The following ST8SIA6 variants were observed in gnomAD, a reference collection of about 807,000 sequenced individuals.
ST8SIA6 encodes the protein ST8 alpha-N-acetyl-neuraminide alpha-2,8-sialyltransferase 6.
Under a neutral mutation model 33.6 loss-of-function variants are expected in ST8SIA6, and 39 were observed. The observed-to-expected ratio is 1.16, with a 90% CI of 0.90 to 1.52. The LOEUF is 1.52. Among genes scored for constraint, ST8SIA6 ranks in the 40% most tolerant of loss-of-function variants. The probability of loss-of-function intolerance (pLI) is 0.00; values close to 1 mark genes in which losing one functional copy is unlikely to be tolerated. For missense variants in ST8SIA6, 441 were observed against 443.8 expected (o/e 0.99, Z 0.06); for synonymous variants, 172 against 167.2 (o/e 1.03, Z -0.22).
intron 2 of ST8SIA6, among the ~76,000 whole-genome samples, chr10:17,451,768 G>C (rs1208016049): frequency 1.3e-5 from 2 of 152,042 alleles, no homozygotes; most frequent in Non-Finnish European, 2.9e-5. Context: ...ATTAAAACTT[G>C]CACCCCTGCT....
At chr10:17,447,895 G>C (rs1852777902) in intron 2 of ST8SIA6, among the ~76,000 whole-genome samples, 1 of 152,064 alleles carries the variant, frequency 6.6e-6, no homozygotes, top group Admixed American at 6.6e-5. Flanking sequence ...GTGAGATCAT[G>C]TTCAAGTGAT....
chr10:17,412,314 C>T (rs145386556), intron 2 of ST8SIA6, among the ~76,000 whole-genome samples: 1 of 152,300 alleles, frequency 6.6e-6, no homozygotes, highest in East Asian at 1.9e-4. Flanking sequence ...ACTAACCCAA[C>T]TGCCAAGCCA....
At chr10:17,386,411 C>T (rs777241146) in intron 3 of ST8SIA6, among the ~76,000 whole-genome samples, 1 of 152,082 alleles carries the variant, frequency 6.6e-6, no homozygotes, top group Non-Finnish European at 1.5e-5. Flanking sequence ...TGGTGGCACG[C>T]GCCTGTAGTC....
intron 2 of ST8SIA6, among the ~76,000 whole-genome samples, chr10:17,420,399 G>A (rs962338724): frequency 3.3e-5 from 5 of 152,104 alleles, no homozygotes; most frequent in Non-Finnish European, 7.3e-5. Context: ...GCGACAGAGC[G>A]AGACTCCGTC....
chr10:17,446,817 C>T (rs1306289640), intron 2 of ST8SIA6, among the ~76,000 whole-genome samples: 1 of 151,648 alleles, frequency 6.6e-6, no homozygotes, highest in Non-Finnish European at 1.5e-5. Context: ...AATCCTAACA[C>T]TTTGGGAGGC....
At chr10:17,384,935 T>C (rs887501916) in intron 3 of ST8SIA6, among the ~76,000 whole-genome samples, 1 of 152,320 alleles carries the variant, frequency 6.6e-6, no homozygotes, top group Admixed American at 6.5e-5. Context: ...TTTCGGGACC[T>C]ACCCATCTAG....
chr10:17,416,385 A>G (rs1014605390), intron 2 of ST8SIA6, among the ~76,000 whole-genome samples: 1 of 152,158 alleles, frequency 6.6e-6, no homozygotes, highest in African/African-American at 2.4e-5. Flanking sequence ...TGACACCCAG[A>G]TTGATATGTG....
chr10:17,393,990 T>C (rs1850714314), intron 2 of ST8SIA6, among the ~76,000 whole-genome samples: 2 of 152,194 alleles, frequency 1.3e-5, no homozygotes. Context: ...CCATTTGCCT[T>C]GTATTTTATG....
chr10:17,431,197 C>T (rs966920356), intron 2 of ST8SIA6, among the ~76,000 whole-genome samples: 7 of 151,974 alleles, frequency 4.6e-5, no homozygotes, highest in African/African-American at 1.5e-4. Context: ...CACCTTTGGC[C>T]GACATGAGGA....
chr10:17,363,403 G>T (rs1358132352), intron 3 of ST8SIA6, among the ~76,000 whole-genome samples: 1 of 152,074 alleles, frequency 6.6e-6, no homozygotes, highest in Non-Finnish European at 1.5e-5. Context: ...GATCAATGTA[G>T]AACTTGCCAA....
intron 2 of ST8SIA6, among the ~76,000 whole-genome samples, chr10:17,425,600 G>C (rs1391171713): frequency 6.9e-6 from 1 of 145,658 alleles, no homozygotes; most frequent in Non-Finnish European, 1.5e-5. Flanking sequence ...AAGGAAGGAA[G>C]GAGAAAGAAA....
chr10:17,453,744 A>G (rs1853009589), intron 1 of ST8SIA6, 87 bp from the exon 2 acceptor site: 4 of 1,080,856 alleles, frequency 3.7e-6, no homozygotes, highest in Non-Finnish European at 4.8e-6. Flanking sequence ...CTTGCCTGGC[A>G]GGGAGATCTC....
In ST8SIA6 at chr10:17,331,405, C is replaced by A; in HGVS notation, c.522+3G>T. The A allele has an allele frequency of 1.2e-6, 2 of 1,607,610 alleles. No homozygotes were observed. The highest frequency in any genetic ancestry group is 2.2e-5 in the South Asian group (2 of 89,586). ...AAATAACCCACCAGAAACCTTTACT[C>A]ACCACTGGAAACATATGAAAAATGT... On this transcript the variant is annotated splice_donor_region_variant and intron_variant, in intron 5 of 7. Transcript: ENST00000377602.
chr10:17,366,446 T>G (rs376048151), intron 3 of ST8SIA6, among the ~76,000 whole-genome samples: 1 of 150,084 alleles, frequency 6.7e-6, no homozygotes. Flanking sequence ...ATCCTTTTCT[T>G]TTTTTTTTTC....
chr10:17,426,529 T>C (rs1371029088), intron 2 of ST8SIA6, among the ~76,000 whole-genome samples: 1 of 152,178 alleles, frequency 6.6e-6, no homozygotes, highest in Non-Finnish European at 1.5e-5. Context: ...AGTCATTAAT[T>C]GAAGGCTGCT....
At chr10:17,325,863 G>T (rs1564400368) in intron 6 of ST8SIA6, among the ~76,000 whole-genome samples, 2 of 151,836 alleles carry the variant, frequency 1.3e-5, no homozygotes, top group Admixed American at 6.6e-5. Flanking sequence ...TTTTCTTCTG[G>T]GTTTTAAATC....
intron 4 of ST8SIA6, among the ~76,000 whole-genome samples, chr10:17,348,099 G>T (rs915770215): frequency 6.6e-6 from 1 of 151,436 alleles, no homozygotes; most frequent in African/African-American, 2.4e-5. Flanking sequence ...AAAAATCTAG[G>T]TCACTGCTAT....
At chr10:17,446,302 A>G (rs1405135116) in intron 2 of ST8SIA6, among the ~76,000 whole-genome samples, 1 of 152,204 alleles carries the variant, frequency 6.6e-6, no homozygotes, top group Non-Finnish European at 1.5e-5. Flanking sequence ...AAATGCAGAG[A>G]AAAATCATAC....
intron 6 of ST8SIA6, among the ~76,000 whole-genome samples, chr10:17,326,638 AAAAC>A (rs1489171440): frequency 1.3e-5 from 2 of 152,168 alleles, no homozygotes; most frequent in Non-Finnish European, 2.9e-5. Context: ...AACAAAAACA[AAAAC>A]AAACAAACAA....
Sources: allele counts gnomAD v4.1 joint callset (sites outside exome capture counted in the v4.1 genomes callset), GRCh38; gene constraint gnomAD v4.1.1; transcripts MANE v1.5; gene names NCBI Gene and HGNC (gene_info 2026-07-23, HGNC 2026-07-21).